The following PRKG1 variants were observed in gnomAD, a reference collection of about 807,000 sequenced individuals.
The protein encoded by PRKG1 is cGMP-dependent protein kinase 1.
Under a neutral mutation model 88.1 loss-of-function variants are expected in PRKG1, and 35 were observed. The ratio of observed to expected loss-of-function variants is 0.40; its 90% CI spans 0.30 to 0.53. The LOEUF is 0.53. PRKG1 is among the 20% of genes least tolerant of loss of function. The probability of loss-of-function intolerance (pLI) is 0.59; values close to 1 mark genes in which losing one functional copy is unlikely to be tolerated. For missense variants in PRKG1, 540 were observed against 839.8 expected (o/e 0.64, Z 4.41); for synonymous variants, 303 against 292.5 (o/e 1.04, Z -0.37).
intron 4 of PRKG1, among the ~76,000 whole-genome samples, chr10:51,893,642 T>C (rs1254911453): frequency 6.6e-6 from 1 of 152,192 alleles, no homozygotes; most frequent in Admixed American, 6.5e-5. Flanking sequence ...CTATATTAAG[T>C]ATAGCATTAC....
At chr10:51,819,111 C>A (rs984502520) in intron 4 of PRKG1, among the ~76,000 whole-genome samples, 1 of 144,064 alleles carries the variant, frequency 6.9e-6, no homozygotes, top group African/African-American at 2.6e-5. Context: ...CCAGGCTGTA[C>A]AAGAAGCATG....
chr10:51,630,740 G>A (rs7911842), intron 3 of PRKG1, among the ~76,000 whole-genome samples: 72,303 of 152,006 alleles, frequency 0.48, 18,733 homozygotes, highest in East Asian at 0.72. Flanking sequence ...GTTGCTAGCC[G>A]AAAGAGGAAC....
chr10:51,576,030 T>C (rs1299449267), intron 3 of PRKG1, among the ~76,000 whole-genome samples: 2 of 151,990 alleles, frequency 1.3e-5, no homozygotes, highest in Non-Finnish European at 2.9e-5. Flanking sequence ...TAGGTCTTAC[T>C]GTGTGCCAGG....
At chr10:51,581,075 T>G (rs1034592804) in intron 3 of PRKG1, among the ~76,000 whole-genome samples, 1 of 152,072 alleles carries the variant, frequency 6.6e-6, no homozygotes, top group African/African-American at 2.4e-5. Context: ...TTTATTAAGT[T>G]TAGTGAGGGC....
At chr10:51,776,423 G>C (rs74132417) in intron 3 of PRKG1, among the ~76,000 whole-genome samples, 2,384 of 152,198 alleles carry the variant, frequency 0.016, 81 homozygotes, top group African/African-American at 0.054. Flanking sequence ...ATAGTAATGG[G>C]ACCTGACGAC....
In PRKG1 at chr10:50,992,734, C is replaced by T. The variant is rs192419962; in HGVS notation, c.266+1090C>T. On this transcript the variant is annotated intron_variant, in intron 1 of 17. Coordinates refer to the PRKG1 transcript ENST00000401604. ...CACTCGTCGCCTTCACCGGAGAAGG[C>T]TGATCGATTGGCTGCAGCATTAAAG... is the stretch of plus-strand genomic sequence containing the variant. Among the ~76,000 whole-genome samples, 410 of 152,228 alleles carry T rather than the reference C, an allele frequency of 2.7e-3. 2 individuals carry two copies. The highest frequency in any genetic ancestry group is 9.5e-3 in the African/African-American group (393 of 41,550).
chr10:51,467,871 A>G (rs371629475), intron 3 of PRKG1, 35 bp downstream of exon 3: 24 of 1,522,628 alleles, frequency 1.6e-5, no homozygotes, highest in African/African-American at 1.4e-5. Flanking sequence ...AATATTTTCA[A>G]TGTCTTTTCC....
chr10:51,730,881 C>A (rs1250949513), intron 3 of PRKG1, among the ~76,000 whole-genome samples: 2 of 152,156 alleles, frequency 1.3e-5, no homozygotes, highest in Non-Finnish European at 2.9e-5. Context: ...TCTGGCCGGG[C>A]GCAGTGGCTC....
intron 3 of PRKG1, among the ~76,000 whole-genome samples, chr10:51,615,612 A>G (rs1371547292): frequency 1.6e-5 from 2 of 123,888 alleles, no homozygotes; most frequent in African/African-American, 3.0e-5. Flanking sequence ...GAAACTTTCA[A>G]TCTATTTTGT....
intron 1 of PRKG1, among the ~76,000 whole-genome samples, chr10:51,064,878 A>G (rs940615153): frequency 6.6e-6 from 1 of 152,076 alleles, no homozygotes; most frequent in African/African-American, 2.4e-5. Flanking sequence ...CTGACATTCT[A>G]TGGAGAAAGC....
chr10:52,271,851 T>C (rs975068541), intron 11 of PRKG1, among the ~76,000 whole-genome samples: 2 of 151,998 alleles, frequency 1.3e-5, no homozygotes, highest in Non-Finnish European at 2.9e-5. Context: ...TTTTTGAAGA[T>C]CTAAAAAAAT....
At chr10:51,433,032 C>T (rs754662750) in intron 2 of PRKG1, among the ~76,000 whole-genome samples, 3 of 152,074 alleles carry the variant, frequency 2.0e-5, no homozygotes, top group Non-Finnish European at 4.4e-5. Context: ...TAAAAATAGC[C>T]AAGTGAATCT....
chr10:51,865,810 C>T (rs1045140319), intron 4 of PRKG1, among the ~76,000 whole-genome samples: 3 of 151,916 alleles, frequency 2.0e-5, no homozygotes, highest in African/African-American at 7.2e-5. Flanking sequence ...TATTTGTAAG[C>T]ATTTCTTCTG....
intron 3 of PRKG1, among the ~76,000 whole-genome samples, chr10:51,551,329 C>T (rs909924834): frequency 3.3e-4 from 50 of 151,780 alleles, no homozygotes; most frequent in African/African-American, 2.2e-4. Flanking sequence ...ATCACTAGAA[C>T]GCTAAAATTT....
chr10:51,994,708 G>T (rs1166150295), intron 5 of PRKG1, among the ~76,000 whole-genome samples: 2 of 152,104 alleles, frequency 1.3e-5, no homozygotes, highest in Non-Finnish European at 2.9e-5. Flanking sequence ...CCTCCAGGAG[G>T]ATAGAGTGTG....
intron 2 of PRKG1, among the ~76,000 whole-genome samples, chr10:51,276,344 T>A (rs1229863449): frequency 6.6e-6 from 1 of 152,220 alleles, no homozygotes; most frequent in Non-Finnish European, 1.5e-5. Context: ...TGTGCCGCAT[T>A]TTCTTAATAC....
intron 9 of PRKG1, among the ~76,000 whole-genome samples, chr10:52,189,067 T>C (rs1839295662): frequency 6.6e-6 from 1 of 152,176 alleles, no homozygotes; most frequent in African/African-American, 2.4e-5. Flanking sequence ...ATTTGAGCAA[T>C]AGAAGGGGCA....
chr10:51,855,152 A>G (rs906064481), intron 4 of PRKG1, among the ~76,000 whole-genome samples: 1 of 152,168 alleles, frequency 6.6e-6, no homozygotes, highest in Non-Finnish European at 1.5e-5. Context: ...TCAGAGTAAG[A>G]AAAATGGTAA....
At chr10:52,069,033 A>C (rs2133281944) in intron 7 of PRKG1, among the ~76,000 whole-genome samples, 1 of 152,304 alleles carries the variant, frequency 6.6e-6, no homozygotes, top group South Asian at 2.1e-4. Flanking sequence ...TCTCATTCTG[A>C]GTACCTGTGC....
Sources: allele counts gnomAD v4.1 joint callset (sites outside exome capture counted in the v4.1 genomes callset), GRCh38; gene constraint gnomAD v4.1.1; transcripts MANE v1.5; gene names NCBI Gene and HGNC (gene_info 2026-07-23, HGNC 2026-07-21).